Variants in SNW1 observed in about 807,000 individuals in gnomAD.
SNW1 encodes SNW domain containing 1.
SNW1 carries 9 observed loss-of-function variants against 75.6 expected under a neutral mutation model. The observed-to-expected ratio is 0.12, with a 90% CI of 0.07 to 0.21. SNW1 has a LOEUF of 0.21. SNW1 is among the 10% of genes least tolerant of loss of function. The probability of loss-of-function intolerance (pLI) is 1.00; values close to 1 mark genes in which losing one functional copy is unlikely to be tolerated. For synonymous variants in SNW1, 200 were observed against 219.1 expected (o/e 0.91, Z 0.77); for missense variants, 409 against 670.9 (o/e 0.61, Z 4.31).
intron 1 of SNW1, 74 bp from the exon 2 acceptor site, chr14:77,755,194 CAG>C: frequency 4.4e-6 from 6 of 1,350,014 alleles, no homozygotes; most frequent in Non-Finnish European, 2.0e-6. Flanking sequence ...AACTTGGCCA[CAG>C]AGACAATTTT....
chr14:77,724,830 T>G (rs2080572079), intron 10 of SNW1, among the ~76,000 whole-genome samples: 1 of 152,212 alleles, frequency 6.6e-6, no homozygotes. Context: ...TATCCCTTTT[T>G]GATTTGATAT....
rs1312997008 is a variant in SNW1, at chr14:77,723,278, CTG to C, written c.1034-3_1034-2del. ...TCCCTCTCACGTGCCTCCCCATCCT[CTG>C]TGTGAACAGTTGAAAAGTACTTCAC... On this transcript the variant is annotated splice_acceptor_variant and splice_polypyrimidine_tract_variant and intron_variant, in intron 10 of 13. Coordinates refer to ENST00000261531, the MANE Select transcript of SNW1 (RefSeq NM_012245.3). LOFTEE classifies it high-confidence loss of function. 1 of 1,611,574 alleles carries C rather than the reference CTG, an allele frequency of 6.2e-7. No homozygotes were observed.
chr14:77,730,861 C>A, intron 10 of SNW1, 127 bp downstream of exon 10: 1 of 940,944 alleles, frequency 1.1e-6, no homozygotes, highest in South Asian at 1.7e-5. Context: ...CATTTCTACA[C>A]TATATCTGAT....
chr14:77,744,968 AG>A (rs2080749302), intron 3 of SNW1, among the ~76,000 whole-genome samples: 2 of 152,202 alleles, frequency 1.3e-5, no homozygotes. Context: ...TGGCTTCAGA[AG>A]TGGTTTTGTG....
chr14:77,739,792 T>A (rs2080702372), intron 3 of SNW1, among the ~76,000 whole-genome samples: 1 of 152,066 alleles, frequency 6.6e-6, no homozygotes, highest in Non-Finnish European at 1.5e-5. Flanking sequence ...CATCTATACT[T>A]CTTAAATATT....
In SNW1 at chr14:77,718,713, C is replaced by CTT. The variant is rs372285276; in HGVS notation, c.1249-185_1249-184dup. ...ATGAACTTCATAACAACTTTGGATTCTTTTTTTTTTTTTTTTCAGACAGAG... is the reference window on the plus strand; with the variant it reads ...ATGAACTTCATAACAACTTTGGATTCTTTTTTTTTTTTTTTTTTCAGACAGAG... On this transcript the variant is annotated intron_variant, in intron 12 of 13. Coordinates refer to ENST00000261531, the MANE Select transcript of SNW1 (RefSeq NM_012245.3). Among the ~76,000 whole-genome samples, 1,174 of 138,398 alleles carry CTT rather than the reference C, an allele frequency of 8.5e-3. 20 individuals carry two copies. The highest frequency in any genetic ancestry group is 0.03 in the African/African-American group (1,123 of 37,980). The allele number at this position is 138,398 out of a possible 152,430, so 90.8% of individuals were successfully genotyped here.
chr14:77,738,392 T>C (rs1160297931), intron 5 of SNW1, among the ~76,000 whole-genome samples: 2 of 152,132 alleles, frequency 1.3e-5, no homozygotes, highest in Non-Finnish European at 2.9e-5. Flanking sequence ...GAGGACTGCT[T>C]GAGCCCAGGA....
chr14:77,751,822 A>T (rs1040960331), intron 2 of SNW1, among the ~76,000 whole-genome samples: 6 of 121,342 alleles, frequency 4.9e-5, no homozygotes, highest in Non-Finnish European at 9.0e-5. Flanking sequence ...ACACACACAC[A>T]CACACACACA....
intron 3 of SNW1, among the ~76,000 whole-genome samples, chr14:77,740,624 C>T (rs1383920931): frequency 2.0e-5 from 3 of 152,160 alleles, no homozygotes; most frequent in Non-Finnish European, 4.4e-5. Context: ...TTCAAGTAAG[C>T]TCTCAATCTG....
At chr14:77,760,577 T>C (rs1038586666) in intron 1 of SNW1, 4 of 686,894 alleles carry the variant, frequency 5.8e-6, no homozygotes, top group Non-Finnish European at 1.1e-5. Context: ...TGCGGAGCAG[T>C]GGCGCATATC....
At chr14:77,727,416 C>G (rs144619455) in intron 10 of SNW1, among the ~76,000 whole-genome samples, 2 of 152,322 alleles carry the variant, frequency 1.3e-5, no homozygotes, top group African/African-American at 4.8e-5. Flanking sequence ...GCAAGGACTT[C>G]CAGTCCCATG....
rs934982413 is a variant in SNW1, at chr14:77,717,911, CTAAA to C, written c.*173_*176del. ...AACACAACCCACTCTTTAAAAAAAACTAAATAATTCAAAGTAGAATTTTCTATCC... is the reference window on the plus strand; with the variant it reads ...AACACAACCCACTCTTTAAAAAAAACTAATTCAAAGTAGAATTTTCTATCC... On this transcript the variant is annotated 3_prime_UTR_variant, in exon 14 of 14. Coordinates refer to ENST00000261531, the MANE Select transcript of SNW1 (RefSeq NM_012245.3). 1.9e-5 allele frequency: 11 copies of C among 591,234 alleles called. No individual in the cohort carries two copies. Among genetic ancestry groups the C allele is most frequent in the African/African-American group, 1.5e-4 (8 of 53,756 alleles). The allele number at this position is 591,234 out of a possible 1,614,324, so 36.6% of individuals were successfully genotyped here.
chr14:77,728,513 C>T (rs1178763249), intron 10 of SNW1, among the ~76,000 whole-genome samples: 2 of 152,080 alleles, frequency 1.3e-5, no homozygotes, highest in East Asian at 3.8e-4. Flanking sequence ...CATAATGTTT[C>T]CCTTATATTT....
chr14:77,723,097 T>C (rs539555009), intron 11 of SNW1, 84 bp downstream of exon 11: 98 of 1,020,050 alleles, frequency 9.6e-5, no homozygotes, highest in African/African-American at 7.2e-4. Context: ...TCCGCCCGCA[T>C]TGGCCTCCCA....
intron 2 of SNW1, among the ~76,000 whole-genome samples, chr14:77,752,949 C>T (rs1017861061): frequency 2.0e-5 from 3 of 152,104 alleles, no homozygotes; most frequent in East Asian, 1.9e-4. Context: ...AAGTGCTTCC[C>T]GTACCCAAGC....
Position 77,725,335 on chromosome 14 carries a change from C to A in SNW1, c.1034-2058G>T, listed in dbSNP as rs180820382. On this transcript the variant is annotated intron_variant, in intron 10 of 13. Coordinates refer to ENST00000261531, the MANE Select transcript of SNW1 (RefSeq NM_012245.3). ...TGTGCAGAAGCTTTTCAGCTTGACG[C>A]AATCCCATTTGTCTATATTTGCTTT... is the stretch of plus-strand genomic sequence containing the variant. Among the ~76,000 whole-genome samples, 158 of 152,310 alleles carry A rather than the reference C, an allele frequency of 1.0e-3. 1 individual carries two copies. The highest frequency in any genetic ancestry group is 6.8e-3 in the Middle Eastern group (2 of 294).
At chr14:77,744,446 C>CAAAAAAAAAAAAAAAAAAAA (rs11335115) in intron 3 of SNW1, among the ~76,000 whole-genome samples, 7 of 82,926 alleles carry the variant, frequency 8.4e-5, no homozygotes, top group African/African-American at 1.5e-4. Flanking sequence ...GTCTCCATCT[C>CAAAAAAAAAAAAAAAAAAAA]AAAAAAAAAA....
intron 3 of SNW1, among the ~76,000 whole-genome samples, chr14:77,748,900 T>G (rs6574394): frequency 0.64 from 96,787 of 151,822 alleles, 31,007 homozygotes; most frequent in South Asian, 0.69. Context: ...TTGTATAATT[T>G]TTTTTAAAAA....
chr14:77,730,526 T>A (rs754331707), intron 10 of SNW1, among the ~76,000 whole-genome samples: 3 of 152,210 alleles, frequency 2.0e-5, no homozygotes, highest in Non-Finnish European at 4.4e-5. Context: ...CTAATTGAAT[T>A]AATACACCAA....
Sources: gnomAD v4.1 joint callset for allele counts (sites outside exome capture counted in the v4.1 genomes callset) on GRCh38, gnomAD v4.1.1 for gene constraint, MANE v1.5 for transcripts, NCBI Gene and HGNC (gene_info 2026-07-23, HGNC 2026-07-21) for gene names.